ACBD6: variants seen among roughly 807,000 people sequenced by gnomAD.
ACBD6 encodes acyl-CoA binding domain containing 6.
A neutral mutation model predicts 37.2 loss-of-function variants in ACBD6; 28 were observed. The observed-to-expected ratio is 0.75, with a 90% CI of 0.56 to 1.03. The LOEUF is 1.03. Among genes scored for constraint, ACBD6 ranks in the 50% least tolerant of loss-of-function variants. The pLI is 0.00. For missense variants in ACBD6, 340 were observed against 337.4 expected, an observed-to-expected ratio of 1.01 and a Z score of -0.06; for synonymous variants, 113 against 126.8, an observed-to-expected ratio of 0.89 and a Z score of 0.73.
At chr1:180,415,412 C>T (rs1261103712) in intron 4 of ACBD6, among the ~76,000 whole-genome samples, 1 of 150,270 alleles carries the variant, frequency 6.7e-6, no homozygotes, top group South Asian at 2.1e-4. Context: ...AACAAACAAA[C>T]ACACGCAAAA....
chr1:180,449,342 A>G lies in ACBD6; in HGVS notation c.385-19080T>C, dbSNP rs896792871. On this transcript the variant is annotated intron_variant, in intron 3 of 7. Transcript: ENST00000367595. ...CTATGATTCATTATCTACATTCCAT[A>G]AACTAAATGTGCAAGCAACCCATAT... Among the ~76,000 whole-genome samples the G allele has an allele frequency of 7.2e-5, 11 of 152,262 alleles. No individual in the cohort carries two copies. The East Asian group carries it at 1.5e-3, about 21-fold the overall frequency.
chr1:180,464,582 A>C (rs1650277693), intron 3 of ACBD6, among the ~76,000 whole-genome samples: 1 of 152,206 alleles, frequency 6.6e-6, no homozygotes, highest in Admixed American at 6.5e-5. Flanking sequence ...GACAGGAAGA[A>C]TCAATATCAT....
At chr1:180,420,178 G>A (rs1648296632) in intron 4 of ACBD6, among the ~76,000 whole-genome samples, 1 of 152,108 alleles carries the variant, frequency 6.6e-6, no homozygotes, top group African/African-American at 2.4e-5. Flanking sequence ...CCTCTAGTGT[G>A]GTGTCTATTA....
intron 6 of ACBD6, among the ~76,000 whole-genome samples, chr1:180,368,047 G>A (rs922703526): frequency 3.3e-5 from 5 of 152,152 alleles, no homozygotes; most frequent in Admixed American, 1.3e-4. Context: ...AACCTTGCCA[G>A]CATCAGTTAT....
intron 6 of ACBD6, among the ~76,000 whole-genome samples, chr1:180,373,541 C>T (rs1236326374): frequency 6.6e-6 from 1 of 152,084 alleles, no homozygotes; most frequent in East Asian, 1.9e-4. Flanking sequence ...TTACAAAGAA[C>T]AAGAATGTGT....
At chr1:180,379,429 A>C (rs1441162060) in intron 6 of ACBD6, among the ~76,000 whole-genome samples, 1 of 152,208 alleles carries the variant, frequency 6.6e-6, no homozygotes, top group Non-Finnish European at 1.5e-5. Context: ...GAAATTCCTG[A>C]AAAAGAATTC....
chr1:180,476,651 C>A (rs896333353), intron 3 of ACBD6, among the ~76,000 whole-genome samples: 4 of 152,192 alleles, frequency 2.6e-5, no homozygotes, highest in Non-Finnish European at 5.9e-5. Flanking sequence ...CATGGTGAAA[C>A]CCCGTCTCTA....
At chr1:180,484,197 C>A (rs553162032) in intron 3 of ACBD6, among the ~76,000 whole-genome samples, 14 of 152,186 alleles carry the variant, frequency 9.2e-5, no homozygotes, top group African/African-American at 3.4e-4. Context: ...TGATCAGAGT[C>A]AATTTAGTAG....
At chr1:180,419,404 T>C (rs931376543) in intron 4 of ACBD6, among the ~76,000 whole-genome samples, 1 of 152,226 alleles carries the variant, frequency 6.6e-6, no homozygotes, top group African/African-American at 2.4e-5. Flanking sequence ...AATTAAATGA[T>C]GGCATGTTTT....
intron 3 of ACBD6, among the ~76,000 whole-genome samples, chr1:180,445,438 TA>T (rs1649437414): frequency 1.3e-5 from 2 of 152,372 alleles, no homozygotes; most frequent in African/African-American, 4.8e-5. Flanking sequence ...TATGTGCTTA[TA>T]CTATCCAACT....
At chr1:180,274,784 C>T in exon 10 of ACBD6, 1 of 602,654 alleles carries the variant, frequency 1.7e-6, no homozygotes, top group Middle Eastern at 4.4e-4. Flanking sequence ...GCAGACTCAT[C>T]TCAGAACACA....
chr1:180,272,943 G>A (rs1408942715), intron 12 of ACBD6: 6 of 152,226 alleles, frequency 3.9e-5, no homozygotes, highest in African/African-American at 1.2e-4. Context: ...CTCCCGCAGA[G>A]GGCCCTGGTC....
In ACBD6 at chr1:180,502,436, T is replaced by C. The variant is rs1205398123; in HGVS notation, c.-170A>G. The C allele has an allele frequency of 1.4e-6, 1 of 723,854 alleles. No individual in the cohort carries two copies. Among genetic ancestry groups the C allele is most frequent in the Non-Finnish European group, 2.4e-6 (1 of 413,844 alleles). 44.8% of individuals were successfully genotyped at this position (723,854 alleles called of 1,614,324 possible). A position where few individuals can be genotyped will look rare whatever the true frequency, so the allele number is the denominator to read the frequency against. ...CGTGACCCTGCTCCCTGCCCACTTC[T>C]ACTCCCTGGGCGTGCAGAGCAGGCT... is the stretch of plus-strand genomic sequence containing the variant. On this transcript the variant is annotated 5_prime_UTR_variant, in exon 1 of 8. Transcript: ENST00000367595.
chr1:180,408,637 G>A (rs532911292), intron 5 of ACBD6, among the ~76,000 whole-genome samples: 1 of 152,062 alleles, frequency 6.6e-6, no homozygotes, highest in African/African-American at 2.4e-5. Context: ...CCTGCACATT[G>A]TGCACATGTA....
At chr1:180,303,433 A>C (rs1650217568) in intron 7 of ACBD6, among the ~76,000 whole-genome samples, 1 of 149,958 alleles carries the variant, frequency 6.7e-6, no homozygotes, top group Admixed American at 6.7e-5. Flanking sequence ...CATCACCACC[A>C]ATCCCGCAGA....
At chr1:180,500,432 C>T (rs978264460) in intron 1 of ACBD6, among the ~76,000 whole-genome samples, 1 of 152,078 alleles carries the variant, frequency 6.6e-6, no homozygotes, top group Non-Finnish European at 1.5e-5. Context: ...GTGGCTCACA[C>T]CTGTAATCCC....
chr1:180,413,818 A>G (rs1647964579), intron 4 of ACBD6, among the ~76,000 whole-genome samples: 1 of 152,218 alleles, frequency 6.6e-6, no homozygotes, highest in African/African-American at 2.4e-5. Context: ...ATCAAAGACT[A>G]GAAAGAAAAG....
intron 4 of ACBD6, among the ~76,000 whole-genome samples, chr1:180,426,554 T>C (rs1571495725): frequency 6.6e-6 from 1 of 152,220 alleles, no homozygotes; most frequent in South Asian, 2.1e-4. Context: ...CTCGTTTCTA[T>C]AGTTCTAAAA....
At chr1:180,466,782 T>A (rs547527895) in intron 3 of ACBD6, among the ~76,000 whole-genome samples, 1 of 152,038 alleles carries the variant, frequency 6.6e-6, no homozygotes, top group African/African-American at 2.4e-5. Flanking sequence ...TTTCTTAAAG[T>A]TTTCTAGGCT....
Sources: gnomAD v4.1 joint callset for allele counts (sites outside exome capture counted in the v4.1 genomes callset) on GRCh38, gnomAD v4.1.1 for gene constraint, MANE v1.5 for transcripts, NCBI Gene and HGNC (gene_info 2026-07-23, HGNC 2026-07-21) for gene names.